ZNF365: variants seen among roughly 807,000 people sequenced by gnomAD.
ZNF365 encodes protein ZNF365.
ZNF365 carries 22 observed loss-of-function variants against 35.0 expected under a neutral mutation model. The ratio of observed to expected loss-of-function variants is 0.63; its 90% confidence interval spans 0.45 to 0.90. The LOEUF (loss-of-function observed/expected upper bound fraction) is 0.90, where lower values mean the gene tolerates loss of function less well. Among genes scored for constraint, ZNF365 ranks in the 40% least tolerant of loss-of-function variants. The pLI, the probability that ZNF365 is intolerant of heterozygous loss-of-function variation, is 0.00. For synonymous variants in ZNF365, 188 were observed against 196.2 expected (o/e 0.96, Z 0.35); for missense variants, 448 against 500.3 (o/e 0.90, Z 1.00).
At chr10:62,425,703 C>G (rs931405800) in intron 3 of ZNF365, among the ~76,000 whole-genome samples, 2 of 152,170 alleles carry the variant, frequency 1.3e-5, no homozygotes, top group Non-Finnish European at 2.9e-5. Context: ...ACTGCACACT[C>G]GGCATTCCCC....
intron 2 of ZNF365, among the ~76,000 whole-genome samples, chr10:62,379,296 T>C (rs1839391692): frequency 6.6e-6 from 1 of 152,126 alleles, no homozygotes; most frequent in African/African-American, 2.4e-5. Flanking sequence ...AGTGCTGGGA[T>C]TATAGTTGTA....
chr10:62,384,139 G>A (rs897370484), intron 2 of ZNF365, among the ~76,000 whole-genome samples: 20 of 145,246 alleles, frequency 1.4e-4, no homozygotes, highest in Admixed American at 5.6e-4. Context: ...AGAAGAAGTC[G>A]AAGATGGGGC....
At chr10:62,437,936 C>T (rs1003707490) in intron 3 of ZNF365, among the ~76,000 whole-genome samples, 1 of 152,174 alleles carries the variant, frequency 6.6e-6, no homozygotes, top group East Asian at 1.9e-4. Context: ...TTGCTGAACA[C>T]GCTCTACATC....
At chr10:62,479,810 C>G (rs768965582) in intron 4 of ZNF365, 9 of 1,116,870 alleles carry the variant, frequency 8.1e-6, no homozygotes, top group Non-Finnish European at 1.2e-5. Context: ...CTTTTTTTGA[C>G]TATTGTTGCT....
chr10:62,463,578 G>A (rs1236122753), intron 4 of ZNF365, among the ~76,000 whole-genome samples: 1 of 152,204 alleles, frequency 6.6e-6, no homozygotes, highest in Non-Finnish European at 1.5e-5. Context: ...TTTCAGCTTA[G>A]TAATAACTAT....
intron 4 of ZNF365, among the ~76,000 whole-genome samples, chr10:62,472,177 C>T (rs1309308973): frequency 6.6e-6 from 1 of 152,212 alleles, no homozygotes; most frequent in Non-Finnish European, 1.5e-5. Context: ...CATGTGGTGT[C>T]ATCCCACTGT....
In ZNF365 at chr10:62,480,117, A is replaced by T. The variant is rs559072251; in HGVS notation, c.*221A>T. 940 of 1,333,832 alleles carry T rather than the reference A, an allele frequency of 7.0e-4. 1 individual carries two copies. The highest frequency in any genetic ancestry group is 1.1e-3 in the Middle Eastern group (4 of 3,570). The allele number at this position is 1,333,832 out of a possible 1,614,324, so 82.6% of individuals were successfully genotyped here. On this transcript the variant is annotated 3_prime_UTR_variant, in exon 5 of 5. Transcript: ENST00000395255. Reference sequence around the variant, plus strand: ...CAGGTCCTCCCTAACAAGACTGCAGACTTCCTGAGGGCACAGCCCACCCCT... The same window carrying T: ...CAGGTCCTCCCTAACAAGACTGCAGTCTTCCTGAGGGCACAGCCCACCCCT...
chr10:62,412,950 T>G (rs1840009336), intron 3 of ZNF365, among the ~76,000 whole-genome samples: 1 of 152,120 alleles, frequency 6.6e-6, no homozygotes, highest in Non-Finnish European at 1.5e-5. Flanking sequence ...CTGATGCTGG[T>G]CTTCCCAGGG....
chr10:62,397,227 GACAGAAC>G (rs1839743228), intron 3 of ZNF365, among the ~76,000 whole-genome samples: 1 of 151,708 alleles, frequency 6.6e-6, no homozygotes. Flanking sequence ...TGTGTCAAAA[GACAGAAC>G]ACAAGAATCC....
At chr10:62,474,113 T>C (rs1841089373) in intron 4 of ZNF365, among the ~76,000 whole-genome samples, 1 of 152,166 alleles carries the variant, frequency 6.6e-6, no homozygotes. Flanking sequence ...TTCCCAGAAA[T>C]TGCCAGAAGT....
Position 62,376,855 on chromosome 10 carries a change from A to G in ZNF365, c.662A>G (p.Gln221Arg), listed in dbSNP as rs1198471321. The change falls in exon 2 of 5, where the codon CAG becomes CGG. Residue 221 changes from glutamine (Q) to arginine (R), a missense_variant. Physicochemically the swap from Gln to Arg is conservative, Grantham distance 43. Coordinates refer to ENST00000395254, the MANE Select transcript of ZNF365 (RefSeq NM_014951.3). ...AGACGAGAGCGGGCCTTAAACAGAC[A>G]GGTGGACGTGGCCGTGGAAATGATA... The part of the protein sequence containing the change: ...VQRRERALNR[Q>R]VDVAVEMIAV... 1 of 1,614,070 alleles carries G rather than the reference A, an allele frequency of 6.2e-7. No homozygotes were observed. The highest frequency in any genetic ancestry group is 1.3e-5 in the African/African-American group (1 of 74,940).
intron 3 of ZNF365, among the ~76,000 whole-genome samples, chr10:62,431,980 G>T (rs1352351161): frequency 1.3e-5 from 2 of 152,144 alleles, no homozygotes; most frequent in African/African-American, 4.8e-5. Flanking sequence ...GTAACTTACA[G>T]TTGGTCACAA....
At chr10:62,429,220 T>C (rs1840298926) in intron 3 of ZNF365, among the ~76,000 whole-genome samples, 2 of 152,250 alleles carry the variant, frequency 1.3e-5, no homozygotes, top group Non-Finnish European at 2.9e-5. Context: ...ATCTTATGCA[T>C]GTCTAATAGT....
In ZNF365 at chr10:62,399,818, G is replaced by A. The variant is rs756484511; in HGVS notation, c.*29G>A. On this transcript the variant is annotated 3_prime_UTR_variant, in exon 5 of 5. Transcript: ENST00000395254. ...GGTGGGTGGTGCTGGACCAATCATC[G>A]CTGGGCTTTGGGGAACGTTGTTCCA... 1.2e-5 allele frequency: 19 copies of A among 1,586,862 alleles called. No individual in the cohort carries two copies. Among genetic ancestry groups the A allele is most frequent in the African/African-American group, 2.7e-5 (2 of 73,752 alleles).
Position 62,376,268 on chromosome 10 carries a change from A to G in ZNF365, c.75A>G (p.Pro25=), listed in dbSNP as rs777046387. 10 of 1,614,024 alleles carry G rather than the reference A, an allele frequency of 6.2e-6. No homozygotes were observed. The African/African-American group carries it at 1.1e-4, about 17-fold the overall frequency. ...ESFENVAVCL[P]LRCPRCGDHT... ...TTGAGAATGTTGCTGTGTGCCTGCC[A>G]TTACGCTGCCCGAGGTGTGGAGACC... The change falls in exon 2 of 5, where the codon CCA becomes CCG. Residue 25 remains proline, a synonymous_variant. Coordinates refer to ENST00000395254, the MANE Select transcript of ZNF365 (RefSeq NM_014951.3).
chr10:62,442,091 A>G (rs968518666), intron 3 of ZNF365, among the ~76,000 whole-genome samples: 2 of 152,206 alleles, frequency 1.3e-5, no homozygotes, highest in Non-Finnish European at 2.9e-5. Flanking sequence ...CTATAAGCAC[A>G]CAGAACCAAA....
chr10:62,399,253 G>A (rs533088453), intron 4 of ZNF365, among the ~76,000 whole-genome samples: 3 of 152,090 alleles, frequency 2.0e-5, no homozygotes, highest in African/African-American at 7.2e-5. Flanking sequence ...TGTATTATTC[G>A]GGGTAGTCAT....
intron 2 of ZNF365, among the ~76,000 whole-genome samples, chr10:62,384,910 A>G (rs971946841): frequency 6.6e-6 from 1 of 152,228 alleles, no homozygotes; most frequent in Admixed American, 6.5e-5. Context: ...TTTTCCATTC[A>G]GAAAAACCCC....
chr10:62,428,001 T>C (rs946868667), intron 3 of ZNF365, among the ~76,000 whole-genome samples: 2 of 152,096 alleles, frequency 1.3e-5, no homozygotes, highest in African/African-American at 4.8e-5. Context: ...AAACCAAGAG[T>C]GGCGTAGGAA....
Sources: allele counts gnomAD v4.1 joint callset (sites outside exome capture counted in the v4.1 genomes callset), GRCh38; gene constraint gnomAD v4.1.1; transcripts MANE v1.5; gene names NCBI Gene and HGNC (gene_info 2026-07-23, HGNC 2026-07-21).